The following ASTN2 variants were observed in gnomAD, a reference collection of about 807,000 sequenced individuals.
ASTN2 encodes astrotactin 2.
Under a neutral mutation model 139.8 loss-of-function variants are expected in ASTN2, and 54 were observed. That is an observed-to-expected ratio of 0.39 (90% confidence interval 0.31 to 0.48). The LOEUF (loss-of-function observed/expected upper bound fraction) is 0.48, where lower values mean the gene tolerates loss of function less well. Among genes scored for constraint, ASTN2 ranks in the 20% least tolerant of loss-of-function variants. The pLI is 0.95. For missense variants in ASTN2, 1,565 were observed against 1,725.1 expected (o/e 0.91, Z 1.64); for synonymous variants, 756 against 719.5 (o/e 1.05, Z -0.81).
At chr9:116,545,429 T>C (rs1280453364) in intron 19 of ASTN2, among the ~76,000 whole-genome samples, 3 of 152,198 alleles carry the variant, frequency 2.0e-5, no homozygotes, top group Non-Finnish European at 2.9e-5. Flanking sequence ...TTTTCAAACA[T>C]TTTCAAAGCA....
At chr9:116,680,129 A>C (rs1300020968) in intron 16 of ASTN2, among the ~76,000 whole-genome samples, 2 of 152,196 alleles carry the variant, frequency 1.3e-5, no homozygotes, top group Non-Finnish European at 2.9e-5. Context: ...ACCACTAGCA[A>C]GACTCATAAA....
chr9:116,625,197 G>A (rs1469543412), intron 17 of ASTN2, among the ~76,000 whole-genome samples: 3 of 152,230 alleles, frequency 2.0e-5, no homozygotes, highest in South Asian at 2.1e-4. Context: ...TTGGAAGGCC[G>A]AGGCGGGTGG....
intron 1 of ASTN2, among the ~76,000 whole-genome samples, 171 bp from the exon 2 acceptor site, chr9:117,291,684 G>A (rs1834598352): frequency 6.6e-6 from 1 of 152,208 alleles, no homozygotes; most frequent in Non-Finnish European, 1.5e-5. Context: ...TTATAGATGA[G>A]TCAACTGTGA....
intron 5 of ASTN2, among the ~76,000 whole-genome samples, chr9:117,064,366 C>T (rs1214256585): frequency 1.3e-5 from 2 of 152,054 alleles, no homozygotes; most frequent in African/African-American, 4.8e-5. Context: ...AATATCAACA[C>T]TGGAAAAATG....
At chr9:117,206,626 C>G (rs1472862956) in intron 3 of ASTN2, among the ~76,000 whole-genome samples, 2 of 152,184 alleles carry the variant, frequency 1.3e-5, no homozygotes, top group Admixed American at 1.3e-4. Context: ...GGCTGAATGT[C>G]ACAAGCCCAG....
intron 14 of ASTN2, among the ~76,000 whole-genome samples, chr9:116,731,287 C>G (rs1229727851): frequency 6.6e-6 from 1 of 151,660 alleles, no homozygotes; most frequent in Non-Finnish European, 1.5e-5. Context: ...TGAGTCAAAA[C>G]AAAGAATCAT....
intron 2 of ASTN2, among the ~76,000 whole-genome samples, chr9:117,288,414 G>A (rs756472971): frequency 2.1e-4 from 32 of 152,136 alleles, no homozygotes; most frequent in Non-Finnish European, 8.8e-5. Flanking sequence ...CTAGCCTCCA[G>A]ACTTCTTTGA....
intron 10 of ASTN2, among the ~76,000 whole-genome samples, chr9:116,866,775 C>T (rs1417696217): frequency 1.3e-5 from 2 of 151,740 alleles, no homozygotes; most frequent in African/African-American, 4.8e-5. Flanking sequence ...CTCCTGTAAT[C>T]CCAGTTACTC....
At chr9:117,267,147 CAAAAAT>C (rs1276799341) in intron 2 of ASTN2, among the ~76,000 whole-genome samples, 1 of 151,954 alleles carries the variant, frequency 6.6e-6, no homozygotes, top group East Asian at 1.9e-4. Context: ...AAACTAATTC[CAAAAAT>C]AAAAATAAAA....
intron 16 of ASTN2, chr9:116,686,971 C>G: frequency 6.8e-7 from 1 of 1,460,880 alleles, no homozygotes. Context: ...GGTGCCAACG[C>G]TTTGCTGAGG....
rs1361629308 is a variant in ASTN2, at chr9:117,393,866, TGGA to T, written c.442+20628_442+20630del. ...TATGAAATGGGCAAGCTCTGGGATATGGAGGAGGAGGAGGAGATGGGAAGGGAA... is the reference window on the plus strand; with the variant it reads ...TATGAAATGGGCAAGCTCTGGGATATGGAGGAGGAGGAGATGGGAAGGGAA... On this transcript the variant is annotated intron_variant, in intron 1 of 22. Coordinates refer to ENST00000313400, the MANE Select transcript of ASTN2 (RefSeq NM_001365068.1). Among the ~76,000 whole-genome samples the T allele has an allele frequency of 9.9e-5, 15 of 151,558 alleles. 1 individual carries two copies. The South Asian group carries it at 2.9e-3, about 30-fold the overall frequency.
chr9:117,390,024 G>A (rs1289932655), intron 1 of ASTN2, among the ~76,000 whole-genome samples: 1 of 152,136 alleles, frequency 6.6e-6, no homozygotes, highest in Non-Finnish European at 1.5e-5. Context: ...TGACAGCAGT[G>A]GCTCTCAACC....
intron 2 of ASTN2, among the ~76,000 whole-genome samples, chr9:117,235,763 T>A (rs909120508): frequency 6.6e-6 from 1 of 152,188 alleles, no homozygotes; most frequent in Non-Finnish European, 1.5e-5. Context: ...AACTCTTTTT[T>A]TTTTAAATAC....
intron 11 of ASTN2, among the ~76,000 whole-genome samples, chr9:116,852,878 T>TACACACACACACACAC (rs3040211): frequency 1.6e-4 from 21 of 134,270 alleles, no homozygotes; most frequent in African/African-American, 3.5e-4. Context: ...AAGGGGAAAA[T>TACACACACACACACAC]ACACACACAC....
At chr9:117,339,007 C>T (rs906646689) in intron 1 of ASTN2, among the ~76,000 whole-genome samples, 7 of 152,094 alleles carry the variant, frequency 4.6e-5, no homozygotes, top group South Asian at 2.1e-4. Flanking sequence ...AGACTGACTG[C>T]GGGTGATGAT....
chr9:116,606,560 A>G (rs1855217857), intron 19 of ASTN2, among the ~76,000 whole-genome samples: 1 of 152,216 alleles, frequency 6.6e-6, no homozygotes, highest in South Asian at 2.1e-4. Context: ...AGAGAGATCA[A>G]AGGATAAAGC....
At chr9:116,480,387 A>G (rs1849128713) in intron 20 of ASTN2, among the ~76,000 whole-genome samples, 1 of 152,230 alleles carries the variant, frequency 6.6e-6, no homozygotes, top group African/African-American at 2.4e-5. Flanking sequence ...AGTGAAGGGG[A>G]GAAGTCAGTG....
intron 1 of ASTN2, among the ~76,000 whole-genome samples, chr9:117,325,214 G>C (rs961060082): frequency 1.3e-5 from 2 of 152,122 alleles, no homozygotes; most frequent in Admixed American, 6.6e-5. Context: ...GCTAGACTCT[G>C]GCCAGTCCAA....
intron 10 of ASTN2, among the ~76,000 whole-genome samples, chr9:116,973,413 T>C (rs1220985411): frequency 4.6e-5 from 7 of 152,176 alleles, no homozygotes; most frequent in Admixed American, 4.6e-4. Context: ...GCCACCATGA[T>C]CACACAGTTC....
Sources: gnomAD v4.1 joint callset for allele counts (sites outside exome capture counted in the v4.1 genomes callset) on GRCh38, gnomAD v4.1.1 for gene constraint, MANE v1.5 for transcripts, NCBI Gene and HGNC (gene_info 2026-07-23, HGNC 2026-07-21) for gene names.